CLPB: variants seen among roughly 807,000 people sequenced by gnomAD.
CLPB encodes mitochondrial disaggregase.
Under a neutral mutation model 78.4 loss-of-function variants are expected in CLPB, and 40 were observed. The observed-to-expected ratio is 0.51, with a 90% CI of 0.40 to 0.66. The LOEUF (loss-of-function observed/expected upper bound fraction) is 0.66, where lower values mean the gene tolerates loss of function less well. Among genes scored for constraint, CLPB ranks in the 30% least tolerant of loss-of-function variants. The pLI is 0.00. For synonymous variants in CLPB, 333 were observed against 348.0 expected (o/e 0.96, Z 0.48); for missense variants, 780 against 886.9 (o/e 0.88, Z 1.53).
At chr11:72,386,594 C>T (rs1346035069) in intron 3 of CLPB, among the ~76,000 whole-genome samples, 2 of 152,172 alleles carry the variant, frequency 1.3e-5, no homozygotes, top group Non-Finnish European at 2.9e-5. Context: ...CTTACATGCA[C>T]ACAAAGATAC....
At chr11:72,327,466 G>C (rs1164591599) in intron 6 of CLPB, among the ~76,000 whole-genome samples, 1 of 152,178 alleles carries the variant, frequency 6.6e-6, no homozygotes, top group Non-Finnish European at 1.5e-5. Flanking sequence ...TGTTCACTCT[G>C]GACATTAGCC....
rs1158921075 is a variant in CLPB at position 72,394,590 on chromosome 11, T to C, written c.542+8376A>G. Among the ~76,000 whole-genome samples, 13 of 152,320 alleles carry C rather than the reference T, an allele frequency of 8.5e-5. No homozygotes were observed. In the East Asian group the frequency reaches 2.5e-3, roughly 29 times the overall value. ...GCACTGATTTCCAGGGAGCAGCGTC[T>C]TGAGTTGCCTGAGGTTGAGGCATGT... On this transcript the variant is annotated intron_variant, in intron 3 of 15. Coordinates refer to ENST00000538039, the MANE Select transcript of CLPB (RefSeq NM_001258392.3).
At chr11:72,408,233 C>A in intron 2 of CLPB, 1 of 1,458,670 alleles carries the variant, frequency 6.9e-7, no homozygotes, top group South Asian at 1.2e-5. Context: ...AAAGCAATGA[C>A]CCTGGAGTCC....
rs1213809255 is a variant in CLPB, at chr11:72,291,674, A to AAGAT, written c.*1689_*1692dup. On this transcript the variant is annotated 3_prime_UTR_variant, in exon 16 of 16. Transcript: ENST00000538039. ...GTAATCATTGGGAGATGCTAGATGAAAGATACATGGGAATTTTCTACTATT... is the reference window on the plus strand; with the variant it reads ...GTAATCATTGGGAGATGCTAGATGAAAGATAGATACATGGGAATTTTCTACTATT... 1.3e-5 allele frequency: 2 copies of AAGAT among 152,134 alleles called. No individual in the cohort carries two copies. Among genetic ancestry groups the AAGAT allele is most frequent in the African/African-American group, 4.8e-5 (2 of 41,430 alleles). 9.4% of individuals were successfully genotyped at this position (152,134 alleles called of 1,614,324 possible).
intron 2 of CLPB, among the ~76,000 whole-genome samples, chr11:72,409,317 C>T (rs1855805679): frequency 6.6e-6 from 1 of 152,172 alleles, no homozygotes; most frequent in Non-Finnish European, 1.5e-5. Flanking sequence ...CGCATGGTGG[C>T]TCACACCTGT....
rs1300394970 is a variant in CLPB at position 72,288,060 on chromosome 11, T to A, written c.*5307A>T. ...TTCTTTCCTAAATTTCTTTCTTGTT[T>A]TTCTTCTTTCACTATATTGAGGAAT... On this transcript the variant is annotated 3_prime_UTR_variant, in exon 16 of 16. Transcript: ENST00000538039. The A allele has an allele frequency of 2.6e-5, 4 of 152,254 alleles. No individual in the cohort carries two copies. Among genetic ancestry groups the A allele is most frequent in the African/African-American group, 9.6e-5 (4 of 41,462 alleles). The allele number at this position is 152,254 out of a possible 1,614,324, so 9.4% of individuals were successfully genotyped here.
At chr11:72,369,659 A>C (rs964006687) in intron 4 of CLPB, among the ~76,000 whole-genome samples, 1 of 152,234 alleles carries the variant, frequency 6.6e-6, no homozygotes, top group Admixed American at 6.5e-5. Context: ...ATTAATAGCC[A>C]ATTCCAAGCC....
intron 6 of CLPB, among the ~76,000 whole-genome samples, chr11:72,321,797 G>A (rs184053172): frequency 1.3e-5 from 2 of 152,284 alleles, no homozygotes; most frequent in African/African-American, 2.4e-5. Flanking sequence ...GGCCTATAGA[G>A]TCCACCTGCT....
In CLPB at chr11:72,406,765, C is replaced by T. The variant is rs1001418960; in HGVS notation, c.456-3713G>A. ...CATGTGCACACACCCACTCTGTGCC[C>T]AGCCTCTTGCTGGCTACTGGGGAGG... On this transcript the variant is annotated intron_variant, in intron 2 of 15. Coordinates refer to ENST00000538039, the MANE Select transcript of CLPB (RefSeq NM_001258392.3). 3.3e-5 allele frequency among the ~76,000 whole-genome samples: 5 copies of T among 152,216 alleles called. No individual in the cohort carries two copies. The East Asian group carries it at 7.7e-4, about 23-fold the overall frequency.
intron 5 of CLPB, among the ~76,000 whole-genome samples, chr11:72,349,602 T>G (rs1373990300): frequency 2.0e-5 from 3 of 152,246 alleles, no homozygotes; most frequent in African/African-American, 7.2e-5. Flanking sequence ...AAGGGGCTTT[T>G]GCTGCTACTT....
At chr11:72,335,139 G>A (rs1950296269) in intron 5 of CLPB, among the ~76,000 whole-genome samples, 1 of 152,090 alleles carries the variant, frequency 6.6e-6, no homozygotes. Context: ...GTGGGGGGGT[G>A]GGTGGTCGTG....
intron 2 of CLPB, among the ~76,000 whole-genome samples, chr11:72,406,342 G>T (rs1855709371): frequency 6.6e-6 from 1 of 152,152 alleles, no homozygotes. Context: ...GCTGAAGAAA[G>T]AAGATTGAAA....
intron 6 of CLPB, among the ~76,000 whole-genome samples, chr11:72,322,208 C>T (rs934697285): frequency 2.0e-5 from 3 of 152,262 alleles, no homozygotes; most frequent in African/African-American, 7.2e-5. Context: ...ATCACTAGGT[C>T]GGCATCCCAG....
At chr11:72,431,510 T>A (rs1171963899) in intron 1 of CLPB, among the ~76,000 whole-genome samples, 1 of 152,212 alleles carries the variant, frequency 6.6e-6, no homozygotes, top group Non-Finnish European at 1.5e-5. Context: ...ATCTGTACAA[T>A]ACACCTTATC....
Position 72,345,719 on chromosome 11 carries a change from G to T in CLPB, c.775+13161C>A, listed in dbSNP as rs182618200. On this transcript the variant is annotated intron_variant, in intron 5 of 15. Transcript: ENST00000538039. ...CGTAGGGGAGAAAAATCCTAAAACTGAGAGCAAATTGAAAAATTAACCCAA... is the reference window on the plus strand; with the variant it reads ...CGTAGGGGAGAAAAATCCTAAAACTTAGAGCAAATTGAAAAATTAACCCAA... Among the ~76,000 whole-genome samples, 27 of 152,236 alleles carry T rather than the reference G, an allele frequency of 1.8e-4. No individual in the cohort carries two copies. In the East Asian group the frequency reaches 3.9e-3, roughly 22 times the overall value.
chr11:72,364,646 C>A (rs1010302667), intron 4 of CLPB, among the ~76,000 whole-genome samples: 1 of 152,074 alleles, frequency 6.6e-6, no homozygotes, highest in Admixed American at 6.5e-5. Context: ...AGGCATGAAC[C>A]ACTCACTGCA....
At chr11:72,366,897 C>A (rs1473273689) in intron 4 of CLPB, among the ~76,000 whole-genome samples, 1 of 152,122 alleles carries the variant, frequency 6.6e-6, no homozygotes, top group Non-Finnish European at 1.5e-5. Flanking sequence ...GAAAACAAAT[C>A]GTTCTACCAA....
At chr11:72,337,184 G>A in intron 5 of CLPB, 1 of 398,648 alleles carries the variant, frequency 2.5e-6, no homozygotes, top group African/African-American at 2.1e-5. Context: ...AGAAGAACTG[G>A]GAATAGAGCT....
intron 5 of CLPB, chr11:72,352,347 A>G (rs1950629189): frequency 6.6e-6 from 1 of 152,262 alleles, no homozygotes; most frequent in African/African-American, 2.4e-5. Context: ...CCATTGCAGG[A>G]TAAGTCCAGT....
Sources: gnomAD v4.1 joint callset for allele counts (sites outside exome capture counted in the v4.1 genomes callset) on GRCh38, gnomAD v4.1.1 for gene constraint, MANE v1.5 for transcripts, NCBI Gene and HGNC (gene_info 2026-07-23, HGNC 2026-07-21) for gene names.